The following WDR41 variants were observed in gnomAD, a reference collection of about 807,000 sequenced individuals.
WDR41 encodes the protein WD repeat-containing protein 41.
WDR41 carries 63 observed loss-of-function variants against 69.3 expected under a neutral mutation model. That is an observed-to-expected ratio of 0.91 (90% CI 0.74 to 1.12). WDR41 has a LOEUF of 1.12. Among genes scored for constraint, WDR41 ranks in the 50% most tolerant of loss-of-function variants. The pLI is 0.00. For missense variants in WDR41, 543 were observed against 534.5 expected (o/e 1.02, Z -0.16); for synonymous variants, 185 against 192.1 (o/e 0.96, Z 0.31).
intron 3 of WDR41, among the ~76,000 whole-genome samples, chr5:77,464,032 TTAAG>T (rs1340617704): frequency 6.6e-6 from 1 of 150,916 alleles, no homozygotes; most frequent in Non-Finnish European, 1.5e-5. Flanking sequence ...TGGTGAAGCC[TTAAG>T]TATTTATTTA....
chr5:77,597,486 G>A (rs909178948), intron 1 of WDR41, among the ~76,000 whole-genome samples: 9 of 152,114 alleles, frequency 5.9e-5, no homozygotes, highest in Admixed American at 5.2e-4. Context: ...GTCGTGATTA[G>A]GCAAACTGTG....
intron 2 of WDR41, among the ~76,000 whole-genome samples, chr5:77,479,447 A>G (rs1163868465): frequency 5.9e-5 from 9 of 152,146 alleles, no homozygotes; most frequent in Non-Finnish European, 1.2e-4. Context: ...AGTAACCAAA[A>G]CAGCATGGTA....
At chr5:77,533,736 CT>C (rs1263526166) in intron 1 of WDR41, among the ~76,000 whole-genome samples, 9 of 152,170 alleles carry the variant, frequency 5.9e-5, no homozygotes, top group South Asian at 2.1e-4. Flanking sequence ...AAATAATATA[CT>C]AATATTGTTA....
chr5:77,475,512 C>T (rs1043700995), intron 2 of WDR41, among the ~76,000 whole-genome samples: 3 of 152,158 alleles, frequency 2.0e-5, no homozygotes, highest in Admixed American at 1.3e-4. Context: ...GGTCCCTGAC[C>T]CCTGACCCCC....
chr5:77,568,641 C>T (rs1274647362), intron 1 of WDR41, among the ~76,000 whole-genome samples: 1 of 152,048 alleles, frequency 6.6e-6, no homozygotes, highest in Non-Finnish European at 1.5e-5. Context: ...TTTGTGATGA[C>T]TAAACAATAT....
At chr5:77,478,423 T>A (rs1332399258) in intron 2 of WDR41, among the ~76,000 whole-genome samples, 1 of 152,170 alleles carries the variant, frequency 6.6e-6, no homozygotes, top group Non-Finnish European at 1.5e-5. Context: ...GCAAAAATCC[T>A]CAATAAAATA....
intron 1 of WDR41, among the ~76,000 whole-genome samples, chr5:77,566,372 A>C (rs1340782191): frequency 6.6e-6 from 1 of 151,698 alleles, no homozygotes; most frequent in Non-Finnish European, 1.5e-5. Flanking sequence ...CTGGGTCTCT[A>C]TTTATATTGA....
intron 1 of WDR41, among the ~76,000 whole-genome samples, chr5:77,498,432 A>C (rs2112148140): frequency 6.6e-6 from 1 of 152,318 alleles, no homozygotes; most frequent in African/African-American, 2.4e-5. Context: ...TATCCAAATA[A>C]ATGTACTTCA....
chr5:77,544,627 T>C (rs1743154141), intron 1 of WDR41, among the ~76,000 whole-genome samples: 1 of 152,056 alleles, frequency 6.6e-6, no homozygotes, highest in Non-Finnish European at 1.5e-5. Context: ...ATCACAATCC[T>C]AAATATATAT....
At chr5:77,537,369 C>T (rs190534688) in intron 1 of WDR41, among the ~76,000 whole-genome samples, 34 of 152,288 alleles carry the variant, frequency 2.2e-4, no homozygotes, top group African/African-American at 5.5e-4. Context: ...ATGGGGAATC[C>T]GACCATGTTT....
At chr5:77,562,304 GA>G (rs1404682121) in intron 1 of WDR41, among the ~76,000 whole-genome samples, 1 of 152,174 alleles carries the variant, frequency 6.6e-6, no homozygotes, top group Non-Finnish European at 1.5e-5. Context: ...ACATGTGAAT[GA>G]CAGACTCTGA....
chr5:77,517,453 C>T (rs972971367), intron 1 of WDR41, among the ~76,000 whole-genome samples: 1 of 152,058 alleles, frequency 6.6e-6, no homozygotes, highest in African/African-American at 2.4e-5. Flanking sequence ...TTTAAATGCC[C>T]CTGCTGCAGC....
Position 77,614,383 on chromosome 5 carries a change from C to T in WDR41, c.42+6096G>A, listed in dbSNP as rs1456318556. Among the ~76,000 whole-genome samples, 4 of 151,398 alleles carry T rather than the reference C, an allele frequency of 2.6e-5. No individual in the cohort carries two copies. The South Asian group carries it at 6.3e-4, about 24-fold the overall frequency. ...GTGGCACTATTCACAATAGCAAAGA[C>T]TTGGAACCAACCCAAATGTCCAACA... On this transcript the variant is annotated intron_variant, in intron 1 of 5. Coordinates refer to the WDR41 transcript ENST00000509971.
chr5:77,455,981 A>C (rs994235857), intron 5 of WDR41, among the ~76,000 whole-genome samples: 2 of 118,354 alleles, frequency 1.7e-5, no homozygotes, highest in Non-Finnish European at 3.6e-5. Flanking sequence ...TTTCTCAAAA[A>C]AAAAACAACA....
chr5:77,613,726 T>C (rs1022895280), intron 1 of WDR41, among the ~76,000 whole-genome samples: 2 of 152,192 alleles, frequency 1.3e-5, no homozygotes, highest in Admixed American at 6.5e-5. Flanking sequence ...ATTCAGGACA[T>C]AGGCATGGGC....
At chr5:77,599,601 C>G (rs1158822851) in intron 1 of WDR41, among the ~76,000 whole-genome samples, 1 of 152,052 alleles carries the variant, frequency 6.6e-6, no homozygotes, top group African/African-American at 2.4e-5. Context: ...TTAATAAATG[C>G]TATATGATAG....
rs1581710383 is a variant in WDR41, at chr5:77,453,865, T to TG, written c.474_475insC (p.Asn159GlnfsTer9). 6.2e-7 allele frequency: 1 copy of TG among 1,614,098 alleles called. No individual in the cohort carries two copies. Among genetic ancestry groups the TG allele is most frequent in the East Asian group, 2.2e-5 (1 of 44,866 alleles). Reference sequence around the variant, plus strand: ...TTACACAGGAGATCTAATTTTCGGTTCCACACACACAGGTCATTCCCACCA... The same window carrying TG: ...TTACACAGGAGATCTAATTTTCGGTTGCCACACACACAGGTCATTCCCACCA... On this transcript the variant is annotated frameshift_variant, in exon 6 of 13. Coordinates refer to ENST00000296679, the MANE Select transcript of WDR41 (RefSeq NM_018268.4). LOFTEE classifies it high-confidence loss of function.
At chr5:77,435,228 T>C (rs1798893537) in intron 12 of WDR41, among the ~76,000 whole-genome samples, 1 of 152,216 alleles carries the variant, frequency 6.6e-6, no homozygotes, top group African/African-American at 2.4e-5. Flanking sequence ...GAGCTTATGA[T>C]GACAAGGCTA....
intron 1 of WDR41, among the ~76,000 whole-genome samples, chr5:77,589,780 A>C (rs1458325300): frequency 6.6e-6 from 1 of 152,134 alleles, no homozygotes; most frequent in Non-Finnish European, 1.5e-5. Flanking sequence ...GAACAATGAC[A>C]TTTTTATTTA....
Sources: allele counts gnomAD v4.1 joint callset (sites outside exome capture counted in the v4.1 genomes callset), GRCh38; gene constraint gnomAD v4.1.1; transcripts MANE v1.5; gene names NCBI Gene and HGNC (gene_info 2026-07-23, HGNC 2026-07-21).